ZBTB1: variants seen among roughly 807,000 people sequenced by gnomAD.
ZBTB1 encodes zinc finger and BTB domain containing 1, also known as zinc finger and BTB domain-containing protein 1.
In ZBTB1, 13 loss-of-function variants were observed where a neutral mutation model predicts 51.6. The observed-to-expected ratio is 0.25, with a 90% CI of 0.16 to 0.40. The LOEUF (loss-of-function observed/expected upper bound fraction) is 0.40, where lower values mean the gene tolerates loss of function less well. Ranked by LOEUF, ZBTB1 falls within the 10% of genes least tolerant of loss-of-function variation. The pLI is 1.00. For synonymous variants in ZBTB1, 240 were observed against 282.2 expected (o/e 0.85, Z 1.50); for missense variants, 567 against 856.5 (o/e 0.66, Z 4.22).
chr14:64,525,269 A>T (rs539632666), downstream of ZBTB1, among the ~76,000 whole-genome samples: 27 of 152,230 alleles, frequency 1.8e-4, no homozygotes, highest in Non-Finnish European at 3.7e-4. Flanking sequence ...AACCAAGTGC[A>T]GAATTCAAAT....
chr14:64,505,823 AC>A lies in ZBTB1; in HGVS notation c.-19+878del, dbSNP rs1157714755. Among the ~76,000 whole-genome samples the A allele has an allele frequency of 3.9e-5, 6 of 152,332 alleles. No homozygotes were observed. In the South Asian group the frequency reaches 8.3e-4, roughly 21 times the overall value. On this transcript the variant is annotated intron_variant, in intron 1 of 1. Transcript: ENST00000683701. ...AAGTCGAATTTCAGTGTGGCAGTGC[AC>A]GCAGATTCTTCATTGGTGTTAGTGT... is the stretch of plus-strand genomic sequence containing the variant.
At chr14:64,519,683 C>T (rs1028618808) in intron 1 of ZBTB1, among the ~76,000 whole-genome samples, 61 of 149,712 alleles carry the variant, frequency 4.1e-4, no homozygotes, top group African/African-American at 1.4e-3. Context: ...GATGCTGTGG[C>T]GGGAGGATTG....
In ZBTB1 at chr14:64,522,422, A is replaced by C; in HGVS notation, c.918A>C (p.Thr306=). Residue 306 remains threonine (T), a synonymous_variant, in exon 2 of 2, where the codon ACA becomes ACC. Coordinates refer to ENST00000683701, the MANE Select transcript of ZBTB1 (RefSeq NM_001123329.2). ...ASTTGSRKSS[T]VESEIASEEK... ...CCACTGGAAGCAGAAAAAGTAGCAC[A>C]GTGGAGTCTGAAATAGCAAGCGAAG... The C allele has an allele frequency of 6.2e-7, 1 of 1,614,134 alleles. No homozygotes were observed.
chr14:64,522,592 A>G lies in ZBTB1; in HGVS notation c.1088A>G (p.Asp363Gly). The G allele has an allele frequency of 3.7e-6, 6 of 1,613,990 alleles. No homozygotes were observed. Among genetic ancestry groups the G allele is most frequent in the Non-Finnish European group, 4.2e-6 (5 of 1,179,982 alleles). Residue 363 changes from aspartate to glycine, a missense_variant, in exon 2 of 2, where the codon GAT becomes GGT. This residue lies in a region of ZBTB1 where 329 missense variants were observed against 406.3 expected (regional missense o/e 0.81). Coordinates refer to ENST00000683701, the MANE Select transcript of ZBTB1 (RefSeq NM_001123329.2). ...NESTDNDELE[D>G]EPEEPFYRYY... Reference sequence around the variant, plus strand: ...TCCACTGACAATGATGAATTAGAAGATGAACCTGAAGAGCCATTTTATAGA... The same window carrying G: ...TCCACTGACAATGATGAATTAGAAGGTGAACCTGAAGAGCCATTTTATAGA...
intron 2 of ZBTB1, among the ~76,000 whole-genome samples, chr14:64,531,107 A>C (rs1420116765): frequency 6.6e-6 from 1 of 152,222 alleles, no homozygotes; most frequent in Non-Finnish European, 1.5e-5. Flanking sequence ...TTAAAAAGTT[A>C]ACATGTTTTT....
chr14:64,513,172 G>C (rs1459209367), intron 1 of ZBTB1, among the ~76,000 whole-genome samples: 1 of 151,480 alleles, frequency 6.6e-6, no homozygotes, highest in African/African-American at 2.4e-5. Context: ...ACACATACAT[G>C]TATATACATA....
Position 64,504,957 on chromosome 14 carries a change from G to T in ZBTB1, c.-19+11G>T. ...TTCCTGTTGCGGCCGGTAAGTATTT[G>T]CCAGTTGTGGGGCTATTTGCGCAAC... On this transcript the variant is annotated intron_variant, in intron 1 of 1. Coordinates refer to ENST00000683701, the MANE Select transcript of ZBTB1 (RefSeq NM_001123329.2). 2.5e-6 allele frequency: 1 copy of T among 395,136 alleles called. No individual in the cohort carries two copies. The highest frequency in any genetic ancestry group is 4.5e-6 in the Non-Finnish European group (1 of 223,412). The allele number at this position is 395,136 out of a possible 1,614,324, so 24.5% of individuals were successfully genotyped here.
At chr14:64,527,033 GA>G (rs2079908468), downstream of ZBTB1, among the ~76,000 whole-genome samples, 1 of 151,858 alleles carries the variant, frequency 6.6e-6, no homozygotes, top group Non-Finnish European at 1.5e-5. Context: ...GTGACAGAGT[GA>G]GACTCCATCT....
chr14:64,528,875 A>C (rs989470799), downstream of ZBTB1, among the ~76,000 whole-genome samples: 5 of 152,202 alleles, frequency 3.3e-5, no homozygotes, highest in Non-Finnish European at 7.4e-5. Flanking sequence ...GTATCTTAGA[A>C]CTGGAGTTTG....
intron 1 of ZBTB1, among the ~76,000 whole-genome samples, chr14:64,507,446 G>T (rs2079677461): frequency 6.6e-6 from 1 of 152,088 alleles, no homozygotes; most frequent in Non-Finnish European, 1.5e-5. Flanking sequence ...ATACAAAAAT[G>T]AAAGTCATTT....
chr14:64,504,818 C>G lies in ZBTB1; in HGVS notation c.-147C>G. On this transcript the variant is annotated 5_prime_UTR_variant, in exon 1 of 2. Transcript: ENST00000683701. ...GCCAGAGCCTCTCCGCGCAGCCCAG[C>G]CCGAGCGCCGAGCGCCGCGCGCCGC... 5.1e-6 allele frequency: 2 copies of G among 389,986 alleles called. No individual in the cohort carries two copies. Among genetic ancestry groups the G allele is most frequent in the Non-Finnish European group, 9.1e-6 (2 of 220,690 alleles). The allele number at this position is 389,986 out of a possible 1,614,324, so 24.2% of individuals were successfully genotyped here. A position where few individuals can be genotyped will look rare whatever the true frequency, so the allele number is the denominator to read the frequency against.
At chr14:64,506,661 A>T (rs2079662384) in intron 1 of ZBTB1, among the ~76,000 whole-genome samples, 3 of 152,254 alleles carry the variant, frequency 2.0e-5, no homozygotes, top group Admixed American at 2.0e-4. Context: ...CATTCGTTTT[A>T]TGAGCAAGCA....
intron 1 of ZBTB1, among the ~76,000 whole-genome samples, chr14:64,513,150 A>G (rs912214328): frequency 3.9e-5 from 6 of 152,176 alleles, no homozygotes; most frequent in Non-Finnish European, 7.4e-5. Flanking sequence ...ATACACAGAT[A>G]TGCACACATA....
At chr14:64,506,908 A>G (rs1489889572) in intron 1 of ZBTB1, among the ~76,000 whole-genome samples, 1 of 152,232 alleles carries the variant, frequency 6.6e-6, no homozygotes, top group Admixed American at 6.5e-5. Flanking sequence ...CTTTGATTTC[A>G]GTTTAACACT....
At chr14:64,516,382 C>T (rs908859315) in intron 1 of ZBTB1, among the ~76,000 whole-genome samples, 1 of 152,224 alleles carries the variant, frequency 6.6e-6, no homozygotes, top group Non-Finnish European at 1.5e-5. Context: ...CAGTTTTACT[C>T]AGAACTTGGA....
intron 1 of ZBTB1, among the ~76,000 whole-genome samples, chr14:64,505,835 C>G (rs1000302372): frequency 2.6e-5 from 4 of 152,170 alleles, no homozygotes; most frequent in African/African-American, 4.8e-5. Context: ...GCAGATTCTT[C>G]ATTGGTGTTA....
At position 64,524,085 on chromosome 14, in the gene ZBTB1, C is replaced by G. The variant is rs944707620; in HGVS notation, c.*439C>G. The G allele has an allele frequency of 1.0e-6, 1 of 983,676 alleles. No individual in the cohort carries two copies. Among genetic ancestry groups the G allele is most frequent in the East Asian group, 1.1e-4 (1 of 8,816 alleles). The allele number at this position is 983,676 out of a possible 1,614,324, so 60.9% of individuals were successfully genotyped here. A position where few individuals can be genotyped will look rare whatever the true frequency, so the allele number is the denominator to read the frequency against. ...CCTTAAGTAATTATTTGAAACTATC[C>G]CGTTTGCTTTTAGTGAGTTAACTAC... On this transcript the variant is annotated 3_prime_UTR_variant, in exon 2 of 2. Transcript: ENST00000683701.
downstream of ZBTB1, among the ~76,000 whole-genome samples, chr14:64,527,911 T>G (rs539672207): frequency 6.6e-6 from 1 of 152,354 alleles, no homozygotes; most frequent in South Asian, 2.1e-4. Context: ...TGACTATAAT[T>G]ATAGAATGCC....
At chr14:64,507,570 G>A (rs12882168) in intron 1 of ZBTB1, among the ~76,000 whole-genome samples, 1,528 of 152,314 alleles carry the variant, frequency 0.01, 14 homozygotes, top group Non-Finnish European at 0.017. Flanking sequence ...GGGATGGCCT[G>A]TGGTGATTCA....
Sources: allele counts gnomAD v4.1 joint callset (sites outside exome capture counted in the v4.1 genomes callset), GRCh38; gene constraint gnomAD v4.1.1; regional missense constraint gnomAD v4.1.1; transcripts MANE v1.5; gene names NCBI Gene and HGNC (gene_info 2026-07-23, HGNC 2026-07-21).